The following SNTG1 variants were observed in gnomAD, a reference collection of about 807,000 sequenced individuals.
SNTG1 encodes the protein gamma-1-syntrophin.
A neutral mutation model predicts 74.7 loss-of-function variants in SNTG1; 39 were observed. The observed-to-expected ratio is 0.52, with a 90% CI of 0.40 to 0.68. The LOEUF (loss-of-function observed/expected upper bound fraction) is 0.68, where lower values mean the gene tolerates loss of function less well. Ranked by LOEUF, SNTG1 falls within the 30% of genes least tolerant of loss-of-function variation. The pLI is 0.00. For missense variants in SNTG1, 685 were observed against 609.5 expected (o/e 1.12, Z -1.30); for synonymous variants, 254 against 217.1 (o/e 1.17, Z -1.49).
chr8:50,328,528 C>G (rs1415718995), intron 2 of SNTG1, among the ~76,000 whole-genome samples: 3 of 152,138 alleles, frequency 2.0e-5, no homozygotes, highest in African/African-American at 7.2e-5. Context: ...GGCAGCAGGA[C>G]AGAGAGAGCA....
chr8:50,171,607 A>G (rs1252811617), intron 1 of SNTG1, among the ~76,000 whole-genome samples: 1 of 152,172 alleles, frequency 6.6e-6, no homozygotes, highest in Non-Finnish European at 1.5e-5. Context: ...TGCATCCTTC[A>G]ATCCAATTAA....
At chr8:50,285,910 T>C (rs2088750675) in intron 2 of SNTG1, among the ~76,000 whole-genome samples, 1 of 152,134 alleles carries the variant, frequency 6.6e-6, no homozygotes, top group Non-Finnish European at 1.5e-5. Context: ...AGTTATGTTG[T>C]TTTCTAAGTA....
At chr8:49,926,172 A>G (rs943665214) in intron 1 of SNTG1, among the ~76,000 whole-genome samples, 1 of 152,150 alleles carries the variant, frequency 6.6e-6, no homozygotes, top group African/African-American at 2.4e-5. Context: ...AAACAAATCA[A>G]TAAACTTCCC....
chr8:50,459,053 T>C (rs1011645510), intron 8 of SNTG1, among the ~76,000 whole-genome samples: 9 of 152,218 alleles, frequency 5.9e-5, no homozygotes, highest in African/African-American at 1.9e-4. Context: ...GTTTTAACTC[T>C]TGTATTTATG....
chr8:50,326,297 A>G (rs1030796317), intron 2 of SNTG1, among the ~76,000 whole-genome samples: 2 of 152,054 alleles, frequency 1.3e-5, no homozygotes, highest in Non-Finnish European at 2.9e-5. Flanking sequence ...AATGTTTGGT[A>G]GAATTCATTT....
chr8:50,624,403 C>A (rs1163909052), intron 13 of SNTG1, among the ~76,000 whole-genome samples: 1 of 151,626 alleles, frequency 6.6e-6, no homozygotes, highest in Admixed American at 6.6e-5. Context: ...AGAGTTTTAT[C>A]TGCTCATATG....
intron 2 of SNTG1, among the ~76,000 whole-genome samples, chr8:50,306,833 G>T (rs1283848534): frequency 6.6e-6 from 1 of 151,786 alleles, no homozygotes; most frequent in Non-Finnish European, 1.5e-5. Context: ...CATTCTGTGG[G>T]TTATCTCTTT....
chr8:50,669,209 G>A (rs1441653951), intron 15 of SNTG1, among the ~76,000 whole-genome samples: 2 of 143,986 alleles, frequency 1.4e-5, no homozygotes, highest in Non-Finnish European at 3.1e-5. Context: ...GAAGGAAATA[G>A]AGATTTAAAA....
chr8:50,753,450 C>T (rs992641834), intron 18 of SNTG1, among the ~76,000 whole-genome samples: 1 of 151,902 alleles, frequency 6.6e-6, no homozygotes, highest in Non-Finnish European at 1.5e-5. Context: ...GATGGGGAAC[C>T]TCAACCACCA....
chr8:50,476,974 A>G (rs774605358), intron 8 of SNTG1, among the ~76,000 whole-genome samples: 44 of 152,152 alleles, frequency 2.9e-4, no homozygotes, highest in Non-Finnish European at 5.6e-4. Context: ...GCCAAAGCTG[A>G]AACCATCTGA....
At chr8:50,631,053 T>C (rs903340180) in intron 13 of SNTG1, among the ~76,000 whole-genome samples, 3 of 152,252 alleles carry the variant, frequency 2.0e-5, no homozygotes, top group South Asian at 2.1e-4. Context: ...GTCTGGGCTG[T>C]AACCTCTTGG....
At position 50,792,674 on chromosome 8, in the gene SNTG1, T is replaced by C. The variant is rs535623103; in HGVS notation, c.1399T>C (p.Leu467=). 1.6e-5 allele frequency: 25 copies of C among 1,606,194 alleles called. No homozygotes were observed. Among genetic ancestry groups the C allele is most frequent in the Non-Finnish European group, 2.0e-5 (23 of 1,175,878 alleles). ...PDTKQIEAKE[L]EFSNLFAVLH... The stretch of plus-strand genomic sequence containing the variant: ...CCTGTTTCTCTTTCCCTTTCAGGAG[T>C]TGGAATTTTCTAATTTATTTGCTGT... Residue 467 remains leucine (L), a synonymous_variant, in exon 19 of 19, where the codon TTG becomes CTG. Transcript: ENST00000642720.
At chr8:50,177,548 T>A (rs886556293) in intron 2 of SNTG1, among the ~76,000 whole-genome samples, 1 of 152,146 alleles carries the variant, frequency 6.6e-6, no homozygotes, top group Non-Finnish European at 1.5e-5. Context: ...ACAGAGACCC[T>A]GGTTTGCTCA....
At chr8:50,297,423 T>G (rs1319847826) in intron 2 of SNTG1, among the ~76,000 whole-genome samples, 1 of 152,150 alleles carries the variant, frequency 6.6e-6, no homozygotes, top group African/African-American at 2.4e-5. Context: ...CACACAATTT[T>G]TTTTCTTTTC....
chr8:50,263,252 T>G (rs2087287386), intron 2 of SNTG1, among the ~76,000 whole-genome samples: 1 of 152,034 alleles, frequency 6.6e-6, no homozygotes, highest in Non-Finnish European at 1.5e-5. Flanking sequence ...GAACCTAAAA[T>G]TACTTGAAAA....
At chr8:50,223,349 A>G (rs1221224111) in intron 2 of SNTG1, among the ~76,000 whole-genome samples, 1 of 152,154 alleles carries the variant, frequency 6.6e-6, no homozygotes, top group Non-Finnish European at 1.5e-5. Flanking sequence ...TTATATGGCT[A>G]GTACAACTGA....
intron 2 of SNTG1, among the ~76,000 whole-genome samples, chr8:50,336,301 A>G (rs1029886103): frequency 4.6e-5 from 7 of 152,134 alleles, no homozygotes; most frequent in African/African-American, 1.4e-4. Flanking sequence ...TATACTCTGA[A>G]TCTGTATTCA....
intron 1 of SNTG1, among the ~76,000 whole-genome samples, chr8:49,942,349 T>G (rs1177656083): frequency 6.6e-6 from 1 of 152,216 alleles, no homozygotes; most frequent in African/African-American, 2.4e-5. Flanking sequence ...TAGTTTTTAA[T>G]ATACAGAAAA....
At chr8:50,109,954 G>A (rs1446621165) in intron 1 of SNTG1, among the ~76,000 whole-genome samples, 7 of 152,044 alleles carry the variant, frequency 4.6e-5, no homozygotes, top group African/African-American at 1.7e-4. Flanking sequence ...TCTGTCTTAA[G>A]TACCCACCTT....
Sources: gnomAD v4.1 joint callset for allele counts (sites outside exome capture counted in the v4.1 genomes callset) on GRCh38, gnomAD v4.1.1 for gene constraint, MANE v1.5 for transcripts, NCBI Gene and HGNC (gene_info 2026-07-23, HGNC 2026-07-21) for gene names.